RCVRN: variants seen among roughly 807,000 people sequenced by gnomAD.
RCVRN encodes recoverin, also known as cancer associated retinopathy antigen.
A neutral mutation model predicts 20.4 loss-of-function variants in RCVRN; 23 were observed. The ratio of observed to expected loss-of-function variants is 1.13; its 90% CI spans 0.81 to 1.60. The LOEUF is 1.60. Among genes scored for constraint, RCVRN ranks in the 40% most tolerant of loss-of-function variants. The pLI is 0.00. For missense variants in RCVRN, 254 were observed against 254.2 expected (o/e 1.00, Z 0.00); for synonymous variants, 105 against 105.9 (o/e 0.99, Z 0.05).
rs1310383541 is a variant in RCVRN, at chr17:9,897,473, G to C, written c.*622C>G. 6.6e-6 allele frequency: 1 copy of C among 151,570 alleles called. No individual in the cohort carries two copies. The highest frequency in any genetic ancestry group is 1.5e-5 in the Non-Finnish European group (1 of 67,986). 9.4% of individuals were successfully genotyped at this position (151,570 alleles called of 1,614,324 possible). Reference sequence around the variant, plus strand: ...CCCTGACAAGTCAGCCCCTTCCACTGTGTCCTCCCCTGGTGCTCTGCACGT... The same window carrying C: ...CCCTGACAAGTCAGCCCCTTCCACTCTGTCCTCCCCTGGTGCTCTGCACGT... On this transcript the variant is annotated 3_prime_UTR_variant, in exon 3 of 3. Coordinates refer to ENST00000226193, the MANE Select transcript of RCVRN (RefSeq NM_002903.3).
In RCVRN at chr17:9,905,230, G is replaced by A. The variant is rs1282219722; in HGVS notation, c.-50C>T. 14 of 1,536,580 alleles carry A rather than the reference G, an allele frequency of 9.1e-6. No homozygotes were observed. Among genetic ancestry groups the A allele is most frequent in the Middle Eastern group, 1.7e-4 (1 of 5,734 alleles). ...TGGGGAGTCGCTGGGTGGGTGGGAC[G>A]TGCGTGGTCCCCTGGCCGCAGGCTG... is the stretch of plus-strand genomic sequence containing the variant. On this transcript the variant is annotated 5_prime_UTR_variant, in exon 1 of 3. It adds an upstream start codon to the 5' untranslated region. Coordinates refer to ENST00000226193, the MANE Select transcript of RCVRN (RefSeq NM_002903.3).
rs1322393545 is a variant in RCVRN at position 9,898,165 on chromosome 17, G to A, written c.533C>T (p.Ala178Val). Residue 178 changes from alanine (A) to valine (V), a missense_variant, in exon 3 of 3, where the codon GCC becomes GTC. Ala to Val is a moderately conservative substitution (Grantham distance 64, BLOSUM62 0). Transcript: ENST00000226193. ...GATCAGTCGCAGAATTTCCTTATTG[G>A]CCAGTGTCCCCTCAATGAATTCTTT... Reference protein sequence around the residue: ...TEKEFIEGTLANKEILRLIQF... With the variant: ...TEKEFIEGTLVNKEILRLIQF... 1.9e-6 allele frequency: 3 copies of A among 1,613,582 alleles called. No individual in the cohort carries two copies. The highest frequency in any genetic ancestry group is 1.3e-5 in the African/African-American group (1 of 74,860).
At position 9,904,918 on chromosome 17, in the gene RCVRN, A is replaced by C. The variant is rs1277026565; in HGVS notation, c.263T>G (p.Ile88Ser). 1.2e-6 allele frequency: 2 copies of C among 1,614,196 alleles called. No individual in the cohort carries two copies. The highest frequency in any genetic ancestry group is 3.3e-5 in the Admixed American group (2 of 60,032). ...GCCCGCGGTGGTCATGTGCAGGGCG[A>C]TGACGTACTCCTTGAAGTCCAGGGT... ...DGTLDFKEYV[I>S]ALHMTTAGKT... Residue 88 changes from isoleucine to serine, a missense_variant, in exon 1 of 3, where the codon ATC (isoleucine) becomes AGC (serine). Physicochemically the swap from Ile to Ser is moderately radical, Grantham distance 142. Coordinates refer to ENST00000226193, the MANE Select transcript of RCVRN (RefSeq NM_002903.3). The surrounding 1 kb of genome is among the most constrained non-coding windows in gnomAD (Gnocchi z 5.8).
chr17:9,902,905 C>T (rs754924456), intron 1 of RCVRN, among the ~76,000 whole-genome samples: 1 of 152,142 alleles, frequency 6.6e-6, no homozygotes, highest in African/African-American at 2.4e-5. Context: ...AGGAGAATTG[C>T]TCAAACCCAG....
chr17:9,898,353 A>G, intron 2 of RCVRN, 149 bp from the exon 3 acceptor site: 1 of 595,560 alleles, frequency 1.7e-6, no homozygotes, highest in Non-Finnish European at 3.0e-6. Context: ...TGAGTATTCA[A>G]TATTCCCCCA....
intron 1 of RCVRN, among the ~76,000 whole-genome samples, chr17:9,901,555 C>T (rs566294926): frequency 3.7e-4 from 57 of 152,260 alleles, no homozygotes; most frequent in African/African-American, 1.3e-3. Context: ...TCCCTTCAGC[C>T]CCCTGGTGCT....
Position 9,905,266 on chromosome 17 carries a change from T to C in RCVRN, c.-86A>G. On this transcript the variant is annotated 5_prime_UTR_variant, in exon 1 of 3. Coordinates refer to ENST00000226193, the MANE Select transcript of RCVRN (RefSeq NM_002903.3). Reference sequence around the variant, plus strand: ...CCTGGCCGCAGGCTGGGCTCAAGGCTGGTGTGAGCTGAAGACCGAGATGCT... The same window carrying C: ...CCTGGCCGCAGGCTGGGCTCAAGGCCGGTGTGAGCTGAAGACCGAGATGCT... 7.4e-7 allele frequency: 1 copy of C among 1,355,646 alleles called. No individual in the cohort carries two copies. Among genetic ancestry groups the C allele is most frequent in the Non-Finnish European group, 9.8e-7 (1 of 1,022,764 alleles). The allele number at this position is 1,355,646 out of a possible 1,614,324, so 84.0% of individuals were successfully genotyped here. A position where few individuals can be genotyped will look rare whatever the true frequency, so the allele number is the denominator to read the frequency against.
In RCVRN at chr17:9,899,813, T is replaced by A. The variant is rs2067333836; in HGVS notation, c.493+1176A>T. 6.6e-6 allele frequency among the ~76,000 whole-genome samples: 1 copy of A among 152,188 alleles called. No homozygotes were observed. Among genetic ancestry groups the A allele is most frequent in the South Asian group, 2.1e-4 (1 of 4,832 alleles). ...TATGTTCCTCCTACCCCAATGACCTTCATGCTTCTCTTATTTCATCATTTG... is the reference window on the plus strand; with the variant it reads ...TATGTTCCTCCTACCCCAATGACCTACATGCTTCTCTTATTTCATCATTTG... On this transcript the variant is annotated intron_variant, in intron 2 of 2. Transcript: ENST00000226193. This position sits in a 1 kb window ranked among gnomAD's most constrained non-coding sequence, Gnocchi z 4.6.
At chr17:9,901,911 G>A (rs1567747718) in intron 1 of RCVRN, among the ~76,000 whole-genome samples, 1 of 152,222 alleles carries the variant, frequency 6.6e-6, no homozygotes, top group Non-Finnish European at 1.5e-5. Context: ...CCCTCAGTCA[G>A]TGCTCTGCCC....
chr17:9,904,812 C>T lies in RCVRN; in HGVS notation c.369G>A (p.Leu123=). The change falls in exon 1 of 3, where the codon CTG becomes CTA. Residue 123 remains leucine (L), a synonymous_variant. Coordinates refer to ENST00000226193, the MANE Select transcript of RCVRN (RefSeq NM_002903.3). This position sits in a 1 kb window ranked among gnomAD's most constrained non-coding sequence, Gnocchi z 5.8. The part of the protein sequence containing the change: ...GNGTISKNEV[L]EIVMAIFKMI... ...AGGGGAGACTGACCATGACGATCTC[C>T]AGCACTTCATTCTTGCTGATGGTCC... is the stretch of plus-strand genomic sequence containing the variant. 1 of 1,613,876 alleles carries T rather than the reference C, an allele frequency of 6.2e-7. No homozygotes were observed.
In RCVRN at chr17:9,904,725, G is replaced by A; in HGVS notation, c.381+75C>T. ...CACCCACAGATCCACTCCCTCTGCA[G>A]CAGCTGCAGCAGGGGACCCCCAGCC... On this transcript the variant is annotated intron_variant, in intron 1 of 2. Transcript: ENST00000226193. This position sits in a 1 kb window ranked among gnomAD's most constrained non-coding sequence, Gnocchi z 5.8. The A allele has an allele frequency of 6.6e-7, 1 of 1,520,338 alleles. No individual in the cohort carries two copies. The highest frequency in any genetic ancestry group is 9.0e-7 in the Non-Finnish European group (1 of 1,116,684). The allele number at this position is 1,520,338 out of a possible 1,614,324, so 94.2% of individuals were successfully genotyped here. A position where few individuals can be genotyped will look rare whatever the true frequency, so the allele number is the denominator to read the frequency against.
In RCVRN at chr17:9,899,523, C is replaced by T. The variant is rs368299226; in HGVS notation, c.494-1319G>A. On this transcript the variant is annotated intron_variant, in intron 2 of 2. Transcript: ENST00000226193. This position sits in a 1 kb window ranked among gnomAD's most constrained non-coding sequence, Gnocchi z 4.6. The stretch of plus-strand genomic sequence containing the variant: ...GTTTTCAGATGAGCAAAAAGCAGAA[C>T]ACAGGGCTCGACACATGAACGGACC... 6.6e-6 allele frequency among the ~76,000 whole-genome samples: 1 copy of T among 152,228 alleles called. No homozygotes were observed. Among genetic ancestry groups the T allele is most frequent in the South Asian group, 2.1e-4 (1 of 4,836 alleles).
At position 9,896,413 on chromosome 17, in the gene RCVRN, G is replaced by T. The variant is rs2067317487; in HGVS notation, c.*1682C>A. ...TGTGTCATCTCTGTGGCTAAAGTGG[G>T]GTCTGGAGGCATCACCACAATACCA... On this transcript the variant is annotated 3_prime_UTR_variant, in exon 3 of 3. Coordinates refer to ENST00000226193, the MANE Select transcript of RCVRN (RefSeq NM_002903.3). The T allele has an allele frequency of 6.6e-6, 1 of 152,206 alleles. No homozygotes were observed. The highest frequency in any genetic ancestry group is 1.5e-5 in the Non-Finnish European group (1 of 68,068). The allele number at this position is 152,206 out of a possible 1,614,324, so 9.4% of individuals were successfully genotyped here. A position where few individuals can be genotyped will look rare whatever the true frequency, so the allele number is the denominator to read the frequency against.
intron 1 of RCVRN, among the ~76,000 whole-genome samples, chr17:9,901,828 G>A (rs1023689884): frequency 2.0e-5 from 3 of 152,236 alleles, no homozygotes; most frequent in Non-Finnish European, 4.4e-5. Context: ...GGCCCAGGAA[G>A]GTTATATGGT....
At chr17:9,901,462 G>A (rs1039255627) in intron 1 of RCVRN, among the ~76,000 whole-genome samples, 3 of 110,622 alleles carry the variant, frequency 2.7e-5, no homozygotes, top group African/African-American at 5.3e-5. Flanking sequence ...CTGCCTCCCC[G>A]GAGACACCTG....
Position 9,897,863 on chromosome 17 carries a change from T to G in RCVRN, c.*232A>C. 2 of 507,184 alleles carry G rather than the reference T, an allele frequency of 3.9e-6. No individual in the cohort carries two copies. The highest frequency in any genetic ancestry group is 3.5e-6 in the Non-Finnish European group (1 of 282,016). 31.4% of individuals were successfully genotyped at this position (507,184 alleles called of 1,614,324 possible). A position where few individuals can be genotyped will look rare whatever the true frequency, so the allele number is the denominator to read the frequency against. On this transcript the variant is annotated 3_prime_UTR_variant, in exon 3 of 3. Coordinates refer to ENST00000226193, the MANE Select transcript of RCVRN (RefSeq NM_002903.3). The stretch of plus-strand genomic sequence containing the variant: ...GAGGGAGGGGTGGGACCGGGCATGA[T>G]GGGAGGGAATGCTGAAGACCCAGGA...
rs1394740092 is a variant in RCVRN at position 9,898,115 on chromosome 17, C to T, written c.583G>A (p.Glu195Lys). ...TGGCATCAGGCGTTCTTCATCTTTT[C>T]CTTCACTTTTTGAGGCTCAAACTGG... is the stretch of plus-strand genomic sequence containing the variant. ...LIQFEPQKVKEKMKNA is the reference protein window; with the variant it reads ...LIQFEPQKVKKKMKNA The change falls in exon 3 of 3, where the codon GAA becomes AAA. Residue 195 changes from glutamate to lysine, a missense_variant. Transcript: ENST00000226193. The T allele has an allele frequency of 6.2e-7, 1 of 1,613,640 alleles. No individual in the cohort carries two copies. Among genetic ancestry groups the T allele is most frequent in the East Asian group, 2.2e-5 (1 of 44,882 alleles).
At position 9,905,009 on chromosome 17, in the gene RCVRN, G is replaced by C. The variant is rs775914800; in HGVS notation, c.172C>G (p.Pro58Ala). The change falls in exon 1 of 3, where the codon CCC becomes GCC. Residue 58 changes from proline (P) to alanine (A), a missense_variant. By Grantham distance (27) the Pro-to-Ala change is conservative. Coordinates refer to ENST00000226193, the MANE Select transcript of RCVRN (RefSeq NM_002903.3). ...GCGTAGGCCTTGGGGTCGGTGTCGG[G>C]GAAGAACTTGGCGTAGATGCTCTGG... ...QFQSIYAKFF[P>A]DTDPKAYAQH... 1.2e-6 allele frequency: 2 copies of C among 1,613,986 alleles called. No homozygotes were observed. Among genetic ancestry groups the C allele is most frequent in the African/African-American group, 2.7e-5 (2 of 74,896 alleles).
chr17:9,903,389 C>T (rs1276192691), intron 1 of RCVRN, among the ~76,000 whole-genome samples: 2 of 152,186 alleles, frequency 1.3e-5, no homozygotes, highest in East Asian at 1.9e-4. Context: ...GAAGCCTGTG[C>T]GCCTCACAGG....
Sources: allele counts gnomAD v4.1 joint callset (sites outside exome capture counted in the v4.1 genomes callset), GRCh38; gene constraint gnomAD v4.1.1; non-coding constraint Gnocchi (gnomAD v3.1); transcripts MANE v1.5; gene names NCBI Gene and HGNC (gene_info 2026-07-23, HGNC 2026-07-21).